Variants in FAM234B observed in about 807,000 individuals in gnomAD.
FAM234B encodes the protein family with sequence similarity 234 member B, also known as protein FAM234B.
In FAM234B, 33 loss-of-function variants were observed where a neutral mutation model predicts 69.3. That is an observed-to-expected ratio of 0.48 (90% CI 0.36 to 0.64). The LOEUF (loss-of-function observed/expected upper bound fraction) is 0.64, where lower values mean the gene tolerates loss of function less well. FAM234B is among the 30% of genes least tolerant of loss of function. The probability of loss-of-function intolerance (pLI) is 0.00; values close to 1 mark genes in which losing one functional copy is unlikely to be tolerated. For synonymous variants in FAM234B, 306 were observed against 306.9 expected (o/e 1.00, Z 0.03); for missense variants, 697 against 769.7 (o/e 0.91, Z 1.12).
In FAM234B at chr12:13,068,709, A is replaced by G. The variant is rs1371181168; in HGVS notation, c.1366A>G (p.Lys456Glu). Residue 456 changes from lysine (K) to glutamate (E), a missense_variant and splice_region_variant, in exon 9 of 13, where the codon AAG (lysine) becomes GAG (glutamate). Transcript: ENST00000197268. ...LQIQDGVGMK[K>E]MMVVDGDSGS... is the part of the protein sequence containing the mutation. Reference sequence around the variant, plus strand: ...GATACAGGATGGAGTTGGGATGAAAAAGGTAAAACTTTGGGCCTCAGATCA... The same window carrying G: ...GATACAGGATGGAGTTGGGATGAAAGAGGTAAAACTTTGGGCCTCAGATCA... 1 of 1,602,688 alleles carries G rather than the reference A, an allele frequency of 6.2e-7. No individual in the cohort carries two copies. Among genetic ancestry groups the G allele is most frequent in the Non-Finnish European group, 8.5e-7 (1 of 1,169,932 alleles).
At chr12:13,058,209 G>T (rs1864951151) in intron 2 of FAM234B, among the ~76,000 whole-genome samples, 1 of 152,040 alleles carries the variant, frequency 6.6e-6, no homozygotes, top group African/African-American at 2.4e-5. Context: ...TCATTCCTTG[G>T]GTCTTGCAGT....
At chr12:13,056,073 C>A in intron 2 of FAM234B, 127 bp downstream of exon 2, 2 of 981,932 alleles carry the variant, frequency 2.0e-6, no homozygotes, top group Non-Finnish European at 2.8e-6. Context: ...GCCGTCCCCA[C>A]TGTGTGGAGG....
In FAM234B at chr12:13,076,110, G is replaced by A. The variant is rs754759158; in HGVS notation, c.1609G>A (p.Ala537Thr). 16 of 1,613,904 alleles carry A rather than the reference G, an allele frequency of 9.9e-6. No homozygotes were observed. Among genetic ancestry groups the A allele is most frequent in the Non-Finnish European group, 1.4e-5 (16 of 1,179,966 alleles). Residue 537 changes from alanine (A) to threonine (T), a missense_variant, in exon 11 of 13, where the codon GCC (alanine) becomes ACC (threonine). Physicochemically the swap from Ala to Thr is moderately conservative, Grantham distance 58. Around this residue, in one of 3 missense-constraint regions of FAM234B, gnomAD observed 313 missense variants for 305.5 expected, o/e 1.02. Transcript: ENST00000197268. ...GTTCCCCTCCATCCTTCTGGATCTG[G>A]CCAACACCACCGGCACAGTGACGGC... ...PAFPSILLDL[A>T]NTTGTVTASE...
chr12:13,051,596 A>G (rs1225520190), intron 1 of FAM234B, among the ~76,000 whole-genome samples: 1 of 152,248 alleles, frequency 6.6e-6, no homozygotes, highest in East Asian at 1.9e-4. Flanking sequence ...TAGGTAGGAA[A>G]TAGCTCTGCC....
At position 13,081,909 on chromosome 12, in the gene FAM234B, C is replaced by T. The variant is rs1333236434; in HGVS notation, c.*1279C>T. 6.6e-6 allele frequency: 1 copy of T among 150,952 alleles called. No homozygotes were observed. Among genetic ancestry groups the T allele is most frequent in the East Asian group, 1.9e-4 (1 of 5,138 alleles). 9.4% of individuals were successfully genotyped at this position (150,952 alleles called of 1,614,324 possible). On this transcript the variant is annotated 3_prime_UTR_variant, in exon 13 of 13. Coordinates refer to ENST00000197268, the MANE Select transcript of FAM234B (RefSeq NM_020853.2). Reference sequence around the variant, plus strand: ...CTTGAATAACCTTGATAGGTCATCCCTGAGTGCACCTCAGGTTCTCTCTTT... The same window carrying T: ...CTTGAATAACCTTGATAGGTCATCCTTGAGTGCACCTCAGGTTCTCTCTTT...
At position 13,080,001 on chromosome 12, in the gene FAM234B, C is replaced by A; in HGVS notation, c.1855C>A (p.Pro619Thr). 4 of 1,592,928 alleles carry A rather than the reference C, an allele frequency of 2.5e-6. No individual in the cohort carries two copies. The highest frequency in any genetic ancestry group is 3.4e-6 in the Non-Finnish European group (4 of 1,168,192). Residue 619 changes from proline (P) to threonine (T), a missense_variant, in exon 12 of 13, where the codon CCC (proline) becomes ACC (threonine). Physicochemically the swap from Pro to Thr is conservative, Grantham distance 38 (BLOSUM62 -1). Coordinates refer to ENST00000197268, the MANE Select transcript of FAM234B (RefSeq NM_020853.2). ...FLSRIKFVEA[P>T]YEI ...CTCTAGGATAAAGTTTGTTGAAGCT[C>A]CCTACGAGGTGAGTGGCTGCAGAAA...
In FAM234B at chr12:13,071,112, G is replaced by A. The variant is rs1406963321; in HGVS notation, c.1369-129G>A. The stretch of plus-strand genomic sequence containing the variant: ...TGCTCTCGGAACACCCAGTTTGCTT[G>A]CATCTTAAAAGCGCAGCGTGTTGAT... On this transcript the variant is annotated intron_variant, in intron 9 of 12. Transcript: ENST00000197268. The A allele has an allele frequency of 1.8e-5, 17 of 965,284 alleles. No homozygotes were observed. The East Asian group carries it at 3.6e-4, about 21-fold the overall frequency. The allele number at this position is 965,284 out of a possible 1,614,324, so 59.8% of individuals were successfully genotyped here.
chr12:13,080,092 A>C, intron 12 of FAM234B, 83 bp downstream of exon 12: 1 of 1,050,680 alleles, frequency 9.5e-7, no homozygotes. Flanking sequence ...GAAAGTAGGC[A>C]GAATGGGGAA....
chr12:13,079,262 CA>C (rs1865197021), intron 11 of FAM234B, among the ~76,000 whole-genome samples: 1 of 152,142 alleles, frequency 6.6e-6, no homozygotes, highest in African/African-American at 2.4e-5. Context: ...TGATCTTTGA[CA>C]AACCTGAGAA....
intron 5 of FAM234B, among the ~76,000 whole-genome samples, chr12:13,064,037 CAA>C (rs1490037499): frequency 4.6e-5 from 7 of 152,170 alleles, no homozygotes; most frequent in Non-Finnish European, 8.8e-5. Context: ...GGCTTTCTGC[CAA>C]GAGTCCCCCA....
intron 11 of FAM234B, among the ~76,000 whole-genome samples, chr12:13,077,123 G>A (rs1374057557): frequency 6.6e-6 from 1 of 152,106 alleles, no homozygotes; most frequent in Non-Finnish European, 1.5e-5. Flanking sequence ...AGGGAGGTAT[G>A]AGCTTGGAAA....
intron 1 of FAM234B, among the ~76,000 whole-genome samples, chr12:13,047,371 C>T (rs1565505521): frequency 6.6e-6 from 1 of 152,024 alleles, no homozygotes; most frequent in East Asian, 1.9e-4. Flanking sequence ...GTTTGTGTAA[C>T]TTAGTCTTTA....
At chr12:13,068,189 G>T (rs1004004558) in intron 7 of FAM234B, 115 bp from the exon 8 acceptor site, 1 of 953,490 alleles carries the variant, frequency 1.0e-6, no homozygotes, top group Non-Finnish European at 1.6e-6. Context: ...TAATGGTGGG[G>T]CATGAATACA....
Position 13,044,527 on chromosome 12 carries a change from C to T in FAM234B, c.37+87C>T, listed in dbSNP as rs1306675362. ...GGCTCTGGGGGCGAGGCCGGTCGGG[C>T]CCTGGCCTCAACCCAGACTCAGCTG... On this transcript the variant is annotated intron_variant, in intron 1 of 12. Transcript: ENST00000197268. This position sits in a 1 kb window ranked among gnomAD's most constrained non-coding sequence, Gnocchi z 5.6. 6 of 1,443,970 alleles carry T rather than the reference C, an allele frequency of 4.2e-6. No individual in the cohort carries two copies. The highest frequency in any genetic ancestry group is 3.8e-6 in the Non-Finnish European group (4 of 1,053,370). 89.4% of individuals were successfully genotyped at this position (1,443,970 alleles called of 1,614,324 possible). A position where few individuals can be genotyped will look rare whatever the true frequency, so the allele number is the denominator to read the frequency against.
chr12:13,045,136 A>G (rs1446931383), intron 1 of FAM234B, among the ~76,000 whole-genome samples: 2 of 152,056 alleles, frequency 1.3e-5, no homozygotes, highest in Non-Finnish European at 1.5e-5. Context: ...TAATGTATGG[A>G]ATCTTCTTTA....
intron 11 of FAM234B, 100 bp downstream of exon 11, chr12:13,076,243 G>A (rs1865159486): frequency 1.1e-6 from 1 of 913,190 alleles, no homozygotes; most frequent in Non-Finnish European, 1.8e-6. Context: ...GGAAGGATGT[G>A]TGCTTCTCAG....
intron 1 of FAM234B, among the ~76,000 whole-genome samples, chr12:13,048,874 C>T (rs1418650942): frequency 5.9e-5 from 9 of 152,112 alleles, no homozygotes; most frequent in Non-Finnish European, 7.4e-5. Context: ...TACATGGTGG[C>T]GGCAAGAGAG....
rs1865263365 is a variant in FAM234B at position 13,083,302 on chromosome 12, C to A, written c.*2672C>A. The A allele has an allele frequency of 1.3e-5, 2 of 152,506 alleles. No individual in the cohort carries two copies. Among genetic ancestry groups the A allele is most frequent in the Admixed American group, 1.3e-4 (2 of 15,268 alleles). The allele number at this position is 152,506 out of a possible 1,614,324, so 9.4% of individuals were successfully genotyped here. On this transcript the variant is annotated 3_prime_UTR_variant, in exon 13 of 13. Transcript: ENST00000197268. ...CTTAGACCCCGTTTTTGCCATCCCC[C>A]AAATGTGTGGTATGGTGAAACTAAT...
chr12:13,068,300 C>T lies in FAM234B; in HGVS notation c.1143-4C>T. On this transcript the variant is annotated splice_polypyrimidine_tract_variant and splice_region_variant and intron_variant, in intron 7 of 12. Transcript: ENST00000197268. Reference sequence around the variant, plus strand: ...ACTAACCGTTGGGGTCTTATTTAACCCAGTGATGGTGTTGAACTACTCCAG... The same window carrying T: ...ACTAACCGTTGGGGTCTTATTTAACTCAGTGATGGTGTTGAACTACTCCAG... The T allele has an allele frequency of 1.2e-6, 2 of 1,613,966 alleles. No homozygotes were observed. Among genetic ancestry groups the T allele is most frequent in the Non-Finnish European group, 1.7e-6 (2 of 1,179,978 alleles).
Sources: gnomAD v4.1 joint callset for allele counts (sites outside exome capture counted in the v4.1 genomes callset) on GRCh38, gnomAD v4.1.1 for gene constraint, gnomAD v4.1.1 regional missense constraint, Gnocchi (gnomAD v3.1) non-coding constraint, MANE v1.5 for transcripts, NCBI Gene and HGNC (gene_info 2026-07-23, HGNC 2026-07-21) for gene names.